DAB2: variants seen among roughly 807,000 people sequenced by gnomAD.
The protein encoded by DAB2 is DAB adaptor protein 2, also known as disabled homolog 2.
A neutral mutation model predicts 71.6 loss-of-function variants in DAB2; 28 were observed. The ratio of observed to expected loss-of-function variants is 0.39; its 90% CI spans 0.29 to 0.54. The LOEUF is 0.54. DAB2 is among the 20% of genes least tolerant of loss of function. The pLI is 0.68. For synonymous variants in DAB2, 345 were observed against 339.7 expected (o/e 1.02, Z -0.17); for missense variants, 867 against 928.8 (o/e 0.93, Z 0.86).
intron 1 of DAB2, among the ~76,000 whole-genome samples, chr5:39,406,908 G>C (rs1755620715): frequency 6.6e-6 from 1 of 151,982 alleles, no homozygotes; most frequent in African/African-American, 2.4e-5. Flanking sequence ...AGTGTCTTTG[G>C]GGCAGTGACT....
chr5:39,400,323 C>T (rs537103941), intron 1 of DAB2, among the ~76,000 whole-genome samples: 1 of 152,018 alleles, frequency 6.6e-6, no homozygotes, highest in African/African-American at 2.4e-5. Flanking sequence ...ACCTCTGCCT[C>T]CCAGGTTCAA....
chr5:39,398,430 A>T (rs1237059533), intron 1 of DAB2, among the ~76,000 whole-genome samples: 2 of 152,216 alleles, frequency 1.3e-5, no homozygotes, highest in Non-Finnish European at 2.9e-5. Context: ...CTTTAAAGGT[A>T]ATTGATTTCC....
intron 1 of DAB2, among the ~76,000 whole-genome samples, chr5:39,421,332 A>C (rs1755981835): frequency 6.6e-6 from 1 of 152,180 alleles, no homozygotes; most frequent in Non-Finnish European, 1.5e-5. Context: ...AAACAAACAA[A>C]ACCTTCAAAA....
chr5:39,401,370 G>A (rs1200331564), intron 1 of DAB2, among the ~76,000 whole-genome samples: 1 of 152,158 alleles, frequency 6.6e-6, no homozygotes, highest in Non-Finnish European at 1.5e-5. Flanking sequence ...AGGACTTAGA[G>A]GACTTAGTAA....
intron 1 of DAB2, among the ~76,000 whole-genome samples, chr5:39,395,129 A>C (rs376697215): frequency 6.6e-6 from 1 of 152,164 alleles, no homozygotes; most frequent in African/African-American, 2.4e-5. Flanking sequence ...TGCCCTACCC[A>C]CAATGTATCA....
rs768449521 is a variant in DAB2, at chr5:39,382,992, T to A, written c.967A>T (p.Asn323Tyr). 2.5e-6 allele frequency: 4 copies of A among 1,614,116 alleles called. No individual in the cohort carries two copies. Among genetic ancestry groups the A allele is most frequent in the Non-Finnish European group, 3.4e-6 (4 of 1,180,032 alleles). The change falls in exon 10 of 15, where the codon AAT becomes TAT. Residue 323 changes from asparagine to tyrosine, a missense_variant. Physicochemically the swap from Asn to Tyr is moderately radical, Grantham distance 143 (BLOSUM62 -2). Around this residue, in one of 2 missense-constraint regions of DAB2, gnomAD observed 740 missense variants for 734.3 expected, o/e 1.01. Coordinates refer to ENST00000320816, the MANE Select transcript of DAB2 (RefSeq NM_001343.4). ...AGCGGAGTAGACGAGCTACTCGAAT[T>A]CTCTTTCTTCTGATCTGGAGATTTG... ...SLKSPDQKKE[N>Y]SSSSSTPLSN...
At chr5:39,421,045 C>T (rs571985435) in intron 1 of DAB2, among the ~76,000 whole-genome samples, 8 of 152,212 alleles carry the variant, frequency 5.3e-5, no homozygotes, top group African/African-American at 1.9e-4. Flanking sequence ...CCTTCTCTGT[C>T]AGGAGTCTGA....
In DAB2 at chr5:39,381,310, T is replaced by C. The variant is rs575569737; in HGVS notation, c.1504+144A>G. 2.3e-5 allele frequency: 17 copies of C among 741,500 alleles called. No individual in the cohort carries two copies. In the African/African-American group the frequency reaches 3.0e-4, roughly 13 times the overall value. The allele number at this position is 741,500 out of a possible 1,614,324, so 45.9% of individuals were successfully genotyped here. On this transcript the variant is annotated intron_variant, in intron 11 of 14. Coordinates refer to ENST00000320816, the MANE Select transcript of DAB2 (RefSeq NM_001343.4). Reference sequence around the variant, plus strand: ...AATATCAAATGGATGTGGGGTTGTATAGTAGAAGTGGGAGAAGGGCTCCCT... The same window carrying C: ...AATATCAAATGGATGTGGGGTTGTACAGTAGAAGTGGGAGAAGGGCTCCCT...
intron 1 of DAB2, among the ~76,000 whole-genome samples, chr5:39,418,734 A>C (rs1377257693): frequency 6.6e-6 from 1 of 152,234 alleles, no homozygotes; most frequent in African/African-American, 2.4e-5. Flanking sequence ...TTCAGCCTGA[A>C]TGTGTGCATC....
intron 1 of DAB2, among the ~76,000 whole-genome samples, chr5:39,401,068 A>T (rs1349021109): frequency 1.3e-5 from 2 of 152,226 alleles, no homozygotes; most frequent in East Asian, 3.9e-4. Context: ...CTGATACTTT[A>T]TGCAAATCCT....
chr5:39,414,224 T>C (rs1217330801), intron 1 of DAB2, among the ~76,000 whole-genome samples: 1 of 152,108 alleles, frequency 6.6e-6, no homozygotes, highest in Admixed American at 6.6e-5. Flanking sequence ...AATTTTAGCA[T>C]TTTAAAGAGC....
chr5:39,412,047 C>T (rs969942931), intron 1 of DAB2, among the ~76,000 whole-genome samples: 5 of 152,096 alleles, frequency 3.3e-5, no homozygotes, highest in East Asian at 1.9e-4. Flanking sequence ...GTCTGTCATT[C>T]GCTCTCAGAG....
intron 11 of DAB2, among the ~76,000 whole-genome samples, chr5:39,378,159 C>T (rs1007594460): frequency 7.2e-5 from 11 of 152,188 alleles, no homozygotes; most frequent in African/African-American, 1.7e-4. Flanking sequence ...CCATCTCCTA[C>T]GACCTTGCTA....
chr5:39,377,355 A>T, intron 11 of DAB2, 73 bp from the exon 12 acceptor site: 1 of 1,472,628 alleles, frequency 6.8e-7, no homozygotes, highest in South Asian at 1.3e-5. Context: ...AGAGAGCACA[A>T]CTCTCTGGAA....
chr5:39,383,228 T>C lies in DAB2; in HGVS notation c.731A>G (p.Asp244Gly). ...ILLVDLNSEI[D>G]TNQNSLRENP... ...TTCTCTTAAAGAATTCTGATTGGTG[T>C]CGATTTCAGAGTTTAGATCCACTAA... The change falls in exon 10 of 15, where the codon GAC becomes GGC. Residue 244 changes from aspartate (D) to glycine (G), a missense_variant. Transcript: ENST00000320816. The C allele has an allele frequency of 6.2e-7, 1 of 1,613,776 alleles. No homozygotes were observed. Among genetic ancestry groups the C allele is most frequent in the Non-Finnish European group, 8.5e-7 (1 of 1,179,810 alleles).
chr5:39,416,662 C>T (rs1755852440), intron 1 of DAB2, among the ~76,000 whole-genome samples: 1 of 152,076 alleles, frequency 6.6e-6, no homozygotes, highest in Non-Finnish European at 1.5e-5. Context: ...CATTCCAAGG[C>T]CACTCAAGAT....
chr5:39,396,052 C>T (rs776866675), intron 1 of DAB2, among the ~76,000 whole-genome samples: 2 of 147,584 alleles, frequency 1.4e-5, no homozygotes, highest in African/African-American at 2.5e-5. Context: ...AAGCGATTCT[C>T]CTGCCTCGGC....
At position 39,409,496 on chromosome 5, in the gene DAB2, C is replaced by T. The variant is rs150633934; in HGVS notation, c.-101-15075G>A. 1.6e-3 allele frequency among the ~76,000 whole-genome samples: 248 copies of T among 152,138 alleles called. 2 individuals carry two copies. The highest frequency in any genetic ancestry group is 5.5e-3 in the African/African-American group (230 of 41,512). ...TTCACTTATTAATACAATAAAACAC[C>T]GACTTAATATCAGAATTTTGCTTAT... On this transcript the variant is annotated intron_variant, in intron 1 of 14. Coordinates refer to ENST00000320816, the MANE Select transcript of DAB2 (RefSeq NM_001343.4).
At chr5:39,382,029 C>G (rs1201475438) in intron 10 of DAB2, among the ~76,000 whole-genome samples, 1 of 152,138 alleles carries the variant, frequency 6.6e-6, no homozygotes, top group Non-Finnish European at 1.5e-5. Context: ...GGTCTTAATC[C>G]AGGCAAGCCT....
Sources: allele counts gnomAD v4.1 joint callset (sites outside exome capture counted in the v4.1 genomes callset), GRCh38; gene constraint gnomAD v4.1.1; regional missense constraint gnomAD v4.1.1; transcripts MANE v1.5; gene names NCBI Gene and HGNC (gene_info 2026-07-23, HGNC 2026-07-21).